GRIK2: variants seen among roughly 807,000 people sequenced by gnomAD.
The protein encoded by GRIK2 is glutamate ionotropic receptor kainate type subunit 2.
A neutral mutation model predicts 100.3 loss-of-function variants in GRIK2; 32 were observed. That is an observed-to-expected ratio of 0.32 (90% CI 0.24 to 0.43). GRIK2 has a LOEUF of 0.43. GRIK2 is among the 20% of genes least tolerant of loss of function. GRIK2 has a pLI of 1.00. For synonymous variants in GRIK2, 417 were observed against 389.4 expected (o/e 1.07, Z -0.83); for missense variants, 843 against 1,114.9 (o/e 0.76, Z 3.47).
At chr6:101,626,250 G>T in intron 3 of GRIK2, 130 bp from the exon 4 acceptor site, 1 of 817,190 alleles carries the variant, frequency 1.2e-6, no homozygotes, top group Non-Finnish European at 1.9e-6. Flanking sequence ...GTGAAAAGTA[G>T]ATATATATTT....
intron 2 of GRIK2, among the ~76,000 whole-genome samples, chr6:101,565,445 A>C (rs558691028): frequency 6.6e-6 from 1 of 152,222 alleles, no homozygotes; most frequent in East Asian, 1.9e-4. Flanking sequence ...TATAATTCTA[A>C]AGATAAAGTG....
intron 7 of GRIK2, among the ~76,000 whole-genome samples, chr6:101,777,664 C>G (rs1562377714): frequency 6.6e-6 from 1 of 152,106 alleles, no homozygotes; most frequent in Non-Finnish European, 1.5e-5. Context: ...AACTTCTATT[C>G]TATTTATTAG....
chr6:101,902,022 T>C (rs953147064), intron 12 of GRIK2, among the ~76,000 whole-genome samples: 2 of 57,894 alleles, frequency 3.5e-5, no homozygotes, highest in African/African-American at 1.4e-4. Flanking sequence ...ATCTATAAAA[T>C]TGGCTTAAAA....
rs749077394 is a variant in GRIK2, at chr6:101,417,761, AGGCACGGAAAATGTG to A, written c.115+18371_115+18385del. ...GCAATAGTAGGATCTGATCTAGAAA[AGGCACGGAAAATGTG>A]GTCAGAAAGATTGGGATTCTAGGAG... is the stretch of plus-strand genomic sequence containing the variant. On this transcript the variant is annotated intron_variant, in intron 2 of 16. Transcript: ENST00000369134. Among the ~76,000 whole-genome samples, 20 of 152,228 alleles carry A rather than the reference AGGCACGGAAAATGTG, an allele frequency of 1.3e-4. 1 individual carries two copies. The highest frequency in any genetic ancestry group is 2.6e-4 in the Non-Finnish European group (18 of 68,044).
intron 15 of GRIK2, among the ~76,000 whole-genome samples, chr6:102,042,966 A>AAGTT (rs1407098500): frequency 6.6e-6 from 1 of 151,588 alleles, no homozygotes. Context: ...TCTTTTTCAC[A>AAGTT]AGTTAGAGGA....
chr6:101,628,594 A>C (rs1780568049), intron 4 of GRIK2, among the ~76,000 whole-genome samples: 1 of 152,082 alleles, frequency 6.6e-6, no homozygotes, highest in Non-Finnish European at 1.5e-5. Context: ...CAAATGATCC[A>C]AGGGATCCTC....
chr6:101,744,189 G>A (rs11156147), intron 7 of GRIK2, among the ~76,000 whole-genome samples: 28,958 of 151,640 alleles, frequency 0.19, 3,081 homozygotes, highest in Middle Eastern at 0.27. Context: ...TGATCCGCCC[G>A]CCTCGGCCTC....
chr6:101,637,637 G>C (rs75407113), intron 4 of GRIK2, among the ~76,000 whole-genome samples: 5 of 152,142 alleles, frequency 3.3e-5, no homozygotes, highest in African/African-American at 1.2e-4. Flanking sequence ...TTTTTGAAAT[G>C]ATAGTCTCAT....
intron 7 of GRIK2, among the ~76,000 whole-genome samples, chr6:101,784,480 G>C (rs977531031): frequency 6.6e-6 from 1 of 152,210 alleles, no homozygotes; most frequent in African/African-American, 2.4e-5. Flanking sequence ...AATGAGTTAA[G>C]ACTTTGAGGG....
At chr6:101,859,538 A>G in intron 11 of GRIK2, 45 bp downstream of exon 11, 1 of 1,090,236 alleles carries the variant, frequency 9.2e-7, no homozygotes, top group Non-Finnish European at 1.4e-6. Flanking sequence ...ATGTTGCTAC[A>G]AGGTTTACTC....
At chr6:101,732,307 C>T (rs1216174307) in intron 7 of GRIK2, among the ~76,000 whole-genome samples, 3 of 151,992 alleles carry the variant, frequency 2.0e-5, no homozygotes, top group African/African-American at 2.4e-5. Flanking sequence ...GATAGAGTTC[C>T]TGGGTAGAGG....
chr6:102,030,218 C>T (rs1167257076), intron 14 of GRIK2, among the ~76,000 whole-genome samples: 1 of 151,058 alleles, frequency 6.6e-6, no homozygotes, highest in Non-Finnish European at 1.5e-5. Context: ...AGATGTTAGC[C>T]AAAGGAACTT....
intron 14 of GRIK2, among the ~76,000 whole-genome samples, chr6:101,999,755 C>G (rs891534530): frequency 6.6e-6 from 1 of 151,926 alleles, no homozygotes; most frequent in African/African-American, 2.4e-5. Flanking sequence ...TTTTTCCTAT[C>G]AAAGGGGAAA....
chr6:101,679,561 C>A (rs2128341208), intron 5 of GRIK2, among the ~76,000 whole-genome samples: 1 of 152,058 alleles, frequency 6.6e-6, no homozygotes, highest in Middle Eastern at 3.4e-3. Context: ...ACAATTCACT[C>A]AAAAGTAGCA....
intron 2 of GRIK2, among the ~76,000 whole-genome samples, chr6:101,481,529 C>T (rs1335323471): frequency 2.6e-5 from 4 of 151,928 alleles, no homozygotes; most frequent in South Asian, 4.2e-4. Context: ...TTTAAAATTT[C>T]CTGTTCAGTT....
intron 7 of GRIK2, among the ~76,000 whole-genome samples, chr6:101,720,809 C>T (rs191746497): frequency 6.6e-6 from 1 of 152,078 alleles, no homozygotes; most frequent in East Asian, 1.9e-4. Context: ...CTGTACTTCA[C>T]CTTTATTTTA....
intron 2 of GRIK2, among the ~76,000 whole-genome samples, chr6:101,439,456 G>A (rs890680908): frequency 1.3e-5 from 2 of 152,026 alleles, no homozygotes; most frequent in Non-Finnish European, 2.9e-5. Context: ...ACAACCCTAT[G>A]AGAAAATTAT....
In GRIK2 at chr6:101,654,467, A is replaced by T. The variant is rs2786243; in HGVS notation, c.542-22156A>T. On this transcript the variant is annotated intron_variant, in intron 4 of 16. Transcript: ENST00000369134. ...TCCCAAGGTCAGGTAGTTGGCCTAC[A>T]TTCTCTAGAGCCTGAATGGCTAGGA... Among the ~76,000 whole-genome samples, 299 of 152,248 alleles carry T rather than the reference A, an allele frequency of 2.0e-3. 1 individual carries two copies. The highest frequency in any genetic ancestry group is 7.1e-3 in the African/African-American group (296 of 41,558).
At chr6:101,555,613 A>C (rs2245949) in intron 2 of GRIK2, among the ~76,000 whole-genome samples, 121,520 of 152,098 alleles carry the variant, frequency 0.8, 48,876 homozygotes, top group African/African-American at 0.87. Context: ...TTTCCCTCTA[A>C]AAAGAGAATT....
Sources: gnomAD v4.1 joint callset for allele counts (sites outside exome capture counted in the v4.1 genomes callset) on GRCh38, gnomAD v4.1.1 for gene constraint, MANE v1.5 for transcripts, NCBI Gene and HGNC (gene_info 2026-07-23, HGNC 2026-07-21) for gene names.